The following CTNND2 variants were observed in gnomAD, a reference collection of about 807,000 sequenced individuals.
CTNND2 encodes the protein catenin delta-2.
CTNND2 carries 22 observed loss-of-function variants against 144.4 expected under a neutral mutation model. The ratio of observed to expected loss-of-function variants is 0.15; its 90% CI spans 0.11 to 0.22. The LOEUF (loss-of-function observed/expected upper bound fraction) is 0.22, where lower values mean the gene tolerates loss of function less well. Among genes scored for constraint, CTNND2 ranks in the 10% least tolerant of loss-of-function variants. CTNND2 has a pLI of 1.00. For synonymous variants in CTNND2, 751 were observed against 695.6 expected (o/e 1.08, Z -1.25); for missense variants, 1,353 against 1,618.8 (o/e 0.84, Z 2.82).
At chr5:11,109,418 GCT>G (rs1368486344) in intron 14 of CTNND2, among the ~76,000 whole-genome samples, 1 of 151,858 alleles carries the variant, frequency 6.6e-6, no homozygotes, top group Non-Finnish European at 1.5e-5. Context: ...TTTTCTTATA[GCT>G]AAATTTGACA....
chr5:11,202,659 T>A (rs1434735217), intron 10 of CTNND2, among the ~76,000 whole-genome samples: 4 of 152,134 alleles, frequency 2.6e-5, no homozygotes, highest in African/African-American at 9.7e-5. Context: ...CCCTCTCCCA[T>A]CAGGACCAGA....
intron 2 of CTNND2, among the ~76,000 whole-genome samples, chr5:11,569,378 TA>T (rs1302415565): frequency 6.6e-6 from 1 of 152,186 alleles, no homozygotes; most frequent in Non-Finnish European, 1.5e-5. Context: ...GAACCAGATT[TA>T]AATGGTTTCA....
chr5:11,529,458 A>G (rs552842834), intron 3 of CTNND2, among the ~76,000 whole-genome samples: 2 of 152,384 alleles, frequency 1.3e-5, no homozygotes, highest in Admixed American at 1.3e-4. Flanking sequence ...GTGGTTCTAC[A>G]TAATTTGAGC....
chr5:10,990,542 G>T (rs1424136664), intron 19 of CTNND2, among the ~76,000 whole-genome samples: 2 of 152,056 alleles, frequency 1.3e-5, no homozygotes, highest in African/African-American at 4.8e-5. Flanking sequence ...CCTAATAAAG[G>T]TTAGCCTTTT....
intron 17 of CTNND2, among the ~76,000 whole-genome samples, chr5:11,019,418 T>C (rs1224848633): frequency 2.0e-5 from 3 of 152,226 alleles, no homozygotes; most frequent in Non-Finnish European, 4.4e-5. Context: ...GATAGTGTAG[T>C]TGAAATACAA....
chr5:11,627,717 C>T (rs564034373), intron 2 of CTNND2, among the ~76,000 whole-genome samples: 13 of 151,390 alleles, frequency 8.6e-5, no homozygotes, highest in African/African-American at 2.2e-4. Flanking sequence ...GCAATGGTTT[C>T]GGGATGATTC....
At chr5:11,196,629 A>T (rs888749753) in intron 11 of CTNND2, among the ~76,000 whole-genome samples, 4 of 152,254 alleles carry the variant, frequency 2.6e-5, no homozygotes, top group African/African-American at 7.2e-5. Flanking sequence ...ACGTGAAGCC[A>T]GCCTTTCTTC....
intron 3 of CTNND2, among the ~76,000 whole-genome samples, chr5:11,461,464 T>C (rs991898791): frequency 6.6e-6 from 1 of 152,164 alleles, no homozygotes; most frequent in African/African-American, 2.4e-5. Context: ...TGTGAACTTC[T>C]TGATATTAGA....
intron 1 of CTNND2, among the ~76,000 whole-genome samples, chr5:11,806,371 A>T (rs975301217): frequency 3.9e-5 from 6 of 152,182 alleles, no homozygotes; most frequent in African/African-American, 1.4e-4. Context: ...CTAACAATTT[A>T]AAGCAAATAA....
chr5:11,000,644 C>T (rs1739859305), intron 18 of CTNND2, among the ~76,000 whole-genome samples: 1 of 152,198 alleles, frequency 6.6e-6, no homozygotes, highest in Non-Finnish European at 1.5e-5. Context: ...AATATCTTTT[C>T]ACTACTTGGC....
chr5:11,606,900 C>T (rs1780078466), intron 2 of CTNND2, among the ~76,000 whole-genome samples: 1 of 152,072 alleles, frequency 6.6e-6, no homozygotes, highest in Non-Finnish European at 1.5e-5. Flanking sequence ...ATCCCAATCC[C>T]CAGAACACAT....
In CTNND2 at chr5:11,573,881, T is replaced by C. The variant is rs1777767783; in HGVS notation, c.175-8825A>G. Among the ~76,000 whole-genome samples the C allele has an allele frequency of 2.0e-5, 3 of 152,316 alleles. No homozygotes were observed. In the South Asian group the frequency reaches 6.2e-4, roughly 32 times the overall value. On this transcript the variant is annotated intron_variant, in intron 2 of 21. Transcript: ENST00000304623. ...CTGCCATTTTCTCTTGCCAAATGCCTTGTTAGCCAAATAAAGCATGTTTAA... is the reference window on the plus strand; with the variant it reads ...CTGCCATTTTCTCTTGCCAAATGCCCTGTTAGCCAAATAAAGCATGTTTAA...
At chr5:11,808,584 T>C (rs1253488232) in intron 1 of CTNND2, among the ~76,000 whole-genome samples, 6 of 152,186 alleles carry the variant, frequency 3.9e-5, no homozygotes, top group African/African-American at 1.4e-4. Flanking sequence ...AACTACATGG[T>C]TTCTATTTTA....
rs1003809591 is a variant in CTNND2, at chr5:11,314,915, T to C, written c.1628+31457A>G. On this transcript the variant is annotated intron_variant, in intron 9 of 21. Transcript: ENST00000304623. Reference sequence around the variant, plus strand: ...CAGTTATTGTTGAATTTCAGCTAAATAATGCATAAAGTTTTTTTAGAATAA... The same window carrying C: ...CAGTTATTGTTGAATTTCAGCTAAACAATGCATAAAGTTTTTTTAGAATAA... Among the ~76,000 whole-genome samples, 8 of 152,202 alleles carry C rather than the reference T, an allele frequency of 5.3e-5. 2 individuals carry two copies. The highest frequency in any genetic ancestry group is 1.3e-4 in the Admixed American group (2 of 15,274).
intron 9 of CTNND2, among the ~76,000 whole-genome samples, chr5:11,254,214 GC>G (rs2149939132): frequency 6.6e-6 from 1 of 152,206 alleles, no homozygotes; most frequent in South Asian, 2.1e-4. Flanking sequence ...TCTTCCCAGA[GC>G]CTGATTTTCA....
chr5:11,244,588 C>A lies in CTNND2; in HGVS notation c.1629-7765G>T, dbSNP rs185374032. Reference sequence around the variant, plus strand: ...GCATGAACCACGGCGCCCGGCCTGTCCTATAAAATTAATCACATTTTTTCA... The same window carrying A: ...GCATGAACCACGGCGCCCGGCCTGTACTATAAAATTAATCACATTTTTTCA... On this transcript the variant is annotated intron_variant, in intron 9 of 21. Coordinates refer to ENST00000304623, the MANE Select transcript of CTNND2 (RefSeq NM_001332.4). Among the ~76,000 whole-genome samples the A allele has an allele frequency of 7.9e-5, 12 of 152,214 alleles. No homozygotes were observed. In the East Asian group the frequency reaches 2.3e-3, roughly 29 times the overall value.
At chr5:11,457,653 G>A (rs1005303696) in intron 3 of CTNND2, among the ~76,000 whole-genome samples, 2 of 152,098 alleles carry the variant, frequency 1.3e-5, no homozygotes, top group Admixed American at 6.6e-5. Flanking sequence ...TAGTGCCTCA[G>A]GGTTGTGCTG....
rs145308665 is a variant in CTNND2, at chr5:11,701,361, G to A, written c.174+30775C>T. Among the ~76,000 whole-genome samples the A allele has an allele frequency of 5.2e-3, 792 of 152,228 alleles. 7 individuals are homozygous for A. Among genetic ancestry groups the A allele is most frequent in the African/African-American group, 0.018 (762 of 41,538 alleles). ...AGTCTGCTGGATACCCAGGACAAAC[G>A]TGCATGAAGTATAAGTAAATCCAAA... On this transcript the variant is annotated intron_variant, in intron 2 of 21. Coordinates refer to ENST00000304623, the MANE Select transcript of CTNND2 (RefSeq NM_001332.4).
rs61751777 is a variant in CTNND2, at chr5:11,200,279, C to T, written c.1762-618G>A. 2.4e-3 allele frequency among the ~76,000 whole-genome samples: 360 copies of T among 152,292 alleles called. 7 individuals carry two copies. Among genetic ancestry groups the T allele is most frequent in the Admixed American group, 0.021 (318 of 15,308 alleles). ...ATTCAACAACAACAAAACCACTCTA[C>T]ATTTTACTCTTCTTTTTATCAAAAG... is the stretch of plus-strand genomic sequence containing the variant. On this transcript the variant is annotated intron_variant, in intron 10 of 21. Transcript: ENST00000304623.
Sources: gnomAD v4.1 joint callset for allele counts (sites outside exome capture counted in the v4.1 genomes callset) on GRCh38, gnomAD v4.1.1 for gene constraint, MANE v1.5 for transcripts, NCBI Gene and HGNC (gene_info 2026-07-23, HGNC 2026-07-21) for gene names.